The following CAPN8 variants were observed in gnomAD, a reference collection of about 807,000 sequenced individuals.
The protein encoded by CAPN8 is calpain-8.
In CAPN8, 87 loss-of-function variants were observed where a neutral mutation model predicts 80.9. The observed-to-expected ratio is 1.07, with a 90% CI of 0.90 to 1.28. CAPN8 has a LOEUF of 1.28. Among genes scored for constraint, CAPN8 ranks in the 50% most tolerant of loss-of-function variants. CAPN8 has a pLI of 0.00. For synonymous variants in CAPN8, 299 were observed against 273.8 expected, an observed-to-expected ratio of 1.09 and a Z score of -0.91; for missense variants, 757 against 702.0, an observed-to-expected ratio of 1.08 and a Z score of -0.89.
At chr1:223,556,450 C>T (rs999261264) in intron 13 of CAPN8, among the ~76,000 whole-genome samples, 2 of 152,174 alleles carry the variant, frequency 1.3e-5, no homozygotes, top group African/African-American at 4.8e-5. Context: ...TGTCCTAGTA[C>T]CTCAGAAGGG....
intron 10 of CAPN8, among the ~76,000 whole-genome samples, chr1:223,612,689 G>T (rs1173142200): frequency 6.6e-6 from 1 of 152,128 alleles, no homozygotes; most frequent in Admixed American, 6.6e-5. Flanking sequence ...TGGCTATGGT[G>T]AAATGGTTCA....
At chr1:223,640,892 A>G (rs1008758631) in intron 2 of CAPN8, among the ~76,000 whole-genome samples, 2 of 152,160 alleles carry the variant, frequency 1.3e-5, no homozygotes, top group African/African-American at 4.8e-5. Flanking sequence ...GGTGGTTGCA[A>G]AGTAACACTG....
chr1:223,619,174 A>G (rs1657298546), intron 9 of CAPN8, 119 bp downstream of exon 9: 2 of 1,213,812 alleles, frequency 1.6e-6, no homozygotes, highest in South Asian at 3.1e-5. Flanking sequence ...AACCTGGGGA[A>G]CAGAGCAAGG....
intron 16 of CAPN8, among the ~76,000 whole-genome samples, chr1:223,546,861 A>G (rs1379884967): frequency 6.6e-6 from 1 of 151,734 alleles, no homozygotes; most frequent in Admixed American, 6.6e-5. Flanking sequence ...ATCTCCAGGA[A>G]TCAGGGGTTT....
chr1:223,549,351 G>A lies in CAPN8; in HGVS notation c.1731C>T (p.Ile577=). 1 of 1,551,758 alleles carries A rather than the reference G, an allele frequency of 6.4e-7. No individual in the cohort carries two copies. Among genetic ancestry groups the A allele is most frequent in the Non-Finnish European group, 8.7e-7 (1 of 1,147,016 alleles). ...RTDIKFDGFN[I]NTCREMISLL... The stretch of plus-strand genomic sequence containing the variant: ...GACTGATCATTTCCCTGCAAGTGTT[G>A]ATGTTGAATCCATCGAATTTTATGT... Residue 577 remains isoleucine, a synonymous_variant, in exon 16 of 21, where the codon ATC becomes ATT. Coordinates refer to ENST00000366872, the MANE Select transcript of CAPN8 (RefSeq NM_001143962.2).
At chr1:223,645,462 G>T (rs544123063) in intron 2 of CAPN8, among the ~76,000 whole-genome samples, 35 of 152,322 alleles carry the variant, frequency 2.3e-4, no homozygotes, top group African/African-American at 7.7e-4. Flanking sequence ...CCAAGATCCA[G>T]CAGAGAAAGG....
chr1:223,654,407 T>C lies in CAPN8; in HGVS notation c.238-8A>G. 1 of 1,551,386 alleles carries C rather than the reference T, an allele frequency of 6.4e-7. No homozygotes were observed. Among genetic ancestry groups the C allele is most frequent in the Non-Finnish European group, 8.7e-7 (1 of 1,146,878 alleles). ...AGGGCTGGGACACAACTCCTGAAAG[T>C]AATTTGGAACAAAACACAAGTCACA... On this transcript the variant is annotated splice_region_variant and splice_polypyrimidine_tract_variant and intron_variant, in intron 1 of 20. Transcript: ENST00000366872.
rs546824101 is a variant in CAPN8, at chr1:223,665,675, G to A, written c.-29C>T. 2 of 1,523,480 alleles carry A rather than the reference G, an allele frequency of 1.3e-6. No homozygotes were observed. Among genetic ancestry groups the A allele is most frequent in the Admixed American group, 2.0e-5 (1 of 50,954 alleles). The allele number at this position is 1,523,480 out of a possible 1,614,324, so 94.4% of individuals were successfully genotyped here. A position where few individuals can be genotyped will look rare whatever the true frequency, so the allele number is the denominator to read the frequency against. On this transcript the variant is annotated 5_prime_UTR_variant, in exon 1 of 21. Coordinates refer to ENST00000366872, the MANE Select transcript of CAPN8 (RefSeq NM_001143962.2). ...CGTGGGCTCTGTAGGGTGGACAGAA[G>A]GGCAGGGCTGCACTGTACTCTCAGA...
Position 223,627,958 on chromosome 1 carries a change from A to G in CAPN8, c.560+51T>C, listed in dbSNP as rs1434504580. 12 of 1,481,106 alleles carry G rather than the reference A, an allele frequency of 8.1e-6. 1 individual carries two copies. The highest frequency in any genetic ancestry group is 1.1e-5 in the Non-Finnish European group (12 of 1,106,796). 91.7% of individuals were successfully genotyped at this position (1,481,106 alleles called of 1,614,324 possible). A position where few individuals can be genotyped will look rare whatever the true frequency, so the allele number is the denominator to read the frequency against. ...GGCAGACGTGGGAGGGACAGGTGAG[A>G]GCTTTCAGGGAGGCTCTGGCGTCTC... On this transcript the variant is annotated intron_variant, in intron 4 of 20. Transcript: ENST00000366872.
At chr1:223,543,359 G>T (rs551462236) in intron 19 of CAPN8, among the ~76,000 whole-genome samples, 193 bp from the exon 20 acceptor site, 1 of 152,150 alleles carries the variant, frequency 6.6e-6, no homozygotes, top group South Asian at 2.1e-4. Context: ...GAGCTTTTGG[G>T]GGATCAGATG....
intron 2 of CAPN8, chr1:223,644,129 C>T (rs1658120516): frequency 1.2e-5 from 4 of 332,950 alleles, no homozygotes; most frequent in South Asian, 8.9e-5. Context: ...ACACTATGTA[C>T]CCGAGTAATA....
At chr1:223,543,707 T>C (rs1656535905) in intron 19 of CAPN8, among the ~76,000 whole-genome samples, 1 of 152,134 alleles carries the variant, frequency 6.6e-6, no homozygotes, top group Non-Finnish European at 1.5e-5. Flanking sequence ...CTCAATATGA[T>C]CCCTATTGAA....
At chr1:223,628,844 G>A in intron 2 of CAPN8, 64 bp from the exon 3 acceptor site, 1 of 1,312,564 alleles carries the variant, frequency 7.6e-7, no homozygotes, top group East Asian at 2.5e-5. Flanking sequence ...TGCTTTCTCT[G>A]ACCCTGTCCC....
chr1:223,662,780 T>C (rs1341206531), intron 1 of CAPN8, among the ~76,000 whole-genome samples: 1 of 152,214 alleles, frequency 6.6e-6, no homozygotes, highest in African/African-American at 2.4e-5. Flanking sequence ...GAAAGGCCTC[T>C]TGGGAGGAAA....
intron 1 of CAPN8, among the ~76,000 whole-genome samples, chr1:223,663,965 C>T (rs948475174): frequency 3.9e-5 from 6 of 152,334 alleles, no homozygotes; most frequent in African/African-American, 1.4e-4. Context: ...GTTTAGAAGA[C>T]AAAAGGTGCC....
intron 14 of CAPN8, among the ~76,000 whole-genome samples, chr1:223,551,653 G>A (rs1164186641): frequency 2.0e-5 from 3 of 152,232 alleles, no homozygotes; most frequent in Non-Finnish European, 4.4e-5. Flanking sequence ...GATTGAACCA[G>A]ATGTGCCAGA....
chr1:223,631,943 T>C (rs528348271), intron 2 of CAPN8, among the ~76,000 whole-genome samples: 1 of 152,276 alleles, frequency 6.6e-6, no homozygotes, highest in East Asian at 1.9e-4. Flanking sequence ...GATGTGAAGG[T>C]TCTGGCTCCC....
intron 9 of CAPN8, among the ~76,000 whole-genome samples, chr1:223,618,713 C>A (rs539202349): frequency 1.3e-5 from 2 of 152,292 alleles, no homozygotes; most frequent in African/African-American, 4.8e-5. Flanking sequence ...GAAAGCACGT[C>A]CTTTGCGGGC....
intron 15 of CAPN8, among the ~76,000 whole-genome samples, chr1:223,549,896 C>A (rs1214770755): frequency 2.0e-5 from 3 of 152,146 alleles, no homozygotes; most frequent in South Asian, 2.1e-4. Context: ...TATCATTATA[C>A]CCACTTTATA....
Sources: gnomAD v4.1 joint callset for allele counts (sites outside exome capture counted in the v4.1 genomes callset) on GRCh38, gnomAD v4.1.1 for gene constraint, MANE v1.5 for transcripts, NCBI Gene and HGNC (gene_info 2026-07-23, HGNC 2026-07-21) for gene names.